The following BTAF1 variants were observed in gnomAD, a reference collection of about 807,000 sequenced individuals.
BTAF1 encodes B-TFIID TATA-box binding protein associated factor 1, also known as TATA-binding protein-associated factor 172.
A neutral mutation model predicts 227.1 loss-of-function variants in BTAF1; 38 were observed. The observed-to-expected ratio is 0.17, with a 90% CI of 0.13 to 0.22. BTAF1 has a LOEUF of 0.22. Among genes scored for constraint, BTAF1 ranks in the 10% least tolerant of loss-of-function variants. The pLI, the probability that BTAF1 is intolerant of heterozygous loss-of-function variation, is 1.00. For synonymous variants in BTAF1, 742 were observed against 751.9 expected, an observed-to-expected ratio of 0.99 and a Z score of 0.21; for missense variants, 1,598 against 2,204.0, an observed-to-expected ratio of 0.73 and a Z score of 5.51.
intron 6 of BTAF1, 136 bp downstream of exon 6, chr10:91,954,009 C>T (rs1845930326): frequency 4.9e-6 from 6 of 1,228,828 alleles, no homozygotes; most frequent in Non-Finnish European, 6.8e-6. Context: ...ACTCAATTGT[C>T]AGAGAGTATT....
At chr10:91,925,442 A>G (rs112321882) in intron 1 of BTAF1, among the ~76,000 whole-genome samples, 1 of 151,856 alleles carries the variant, frequency 6.6e-6, no homozygotes, top group African/African-American at 2.4e-5. Context: ...GCATTTTCAC[A>G]GGATTGGATG....
chr10:91,944,053 A>C (rs942162868), intron 4 of BTAF1, among the ~76,000 whole-genome samples: 9 of 152,074 alleles, frequency 5.9e-5, no homozygotes, highest in African/African-American at 1.7e-4. Context: ...CTGGAGGCTG[A>C]GACAGGAGAA....
intron 6 of BTAF1, among the ~76,000 whole-genome samples, chr10:91,956,320 A>AT (rs1162093718): frequency 9.9e-5 from 15 of 152,242 alleles, no homozygotes; most frequent in African/African-American, 3.6e-4. Context: ...TAGTTAGAAT[A>AT]TATTTTGCTC....
At position 91,981,660 on chromosome 10, in the gene BTAF1, G is replaced by C; in HGVS notation, c.1773G>C (p.Leu591Phe). 4 of 1,610,384 alleles carry C rather than the reference G, an allele frequency of 2.5e-6. No homozygotes were observed. Among genetic ancestry groups the C allele is most frequent in the Non-Finnish European group, 3.4e-6 (4 of 1,178,880 alleles). Reference protein sequence around the residue: ...DLIHKVWMELLSKASVQYVVA... With the variant: ...DLIHKVWMELFSKASVQYVVA... ...CCCTGCAGGTTTGGATGGAACTGTT[G>C]AGTAAGGCTTCAGTTCAGTATGTGG... Residue 591 changes from leucine (L) to phenylalanine (F), a missense_variant, in exon 16 of 38, where the codon TTG becomes TTC. Leu to Phe is a conservative substitution (Grantham distance 22, BLOSUM62 0). Transcript: ENST00000265990.
intron 11 of BTAF1, among the ~76,000 whole-genome samples, chr10:91,961,332 A>T (rs970233089): frequency 3.3e-5 from 5 of 152,190 alleles, no homozygotes; most frequent in Admixed American, 6.5e-5. Context: ...CATTATGGCT[A>T]CTTAATGCTT....
At chr10:91,980,922 T>C (rs1159251911) in intron 15 of BTAF1, among the ~76,000 whole-genome samples, 1 of 152,182 alleles carries the variant, frequency 6.6e-6, no homozygotes. Context: ...ATATAGAGTC[T>C]AATTATTGTT....
intron 25 of BTAF1, among the ~76,000 whole-genome samples, chr10:92,002,936 G>T (rs1849645299): frequency 6.6e-6 from 1 of 152,004 alleles, no homozygotes; most frequent in African/African-American, 2.4e-5. Flanking sequence ...GAGGTGGGTG[G>T]ATCACGAGGT....
chr10:91,985,025 A>G (rs1848311441), intron 19 of BTAF1, among the ~76,000 whole-genome samples: 1 of 152,034 alleles, frequency 6.6e-6, no homozygotes, highest in African/African-American at 2.4e-5. Context: ...TTTATGTGCT[A>G]AAGCACACAA....
intron 33 of BTAF1, 68 bp from the exon 34 acceptor site, chr10:92,018,715 G>A (rs1003325801): frequency 7.7e-7 from 1 of 1,301,920 alleles, no homozygotes; most frequent in African/African-American, 1.5e-5. Flanking sequence ...CATAGGGAAA[G>A]ATACAGAGAT....
intron 19 of BTAF1, among the ~76,000 whole-genome samples, chr10:91,985,181 C>G (rs944040949): frequency 6.6e-6 from 1 of 152,004 alleles, no homozygotes; most frequent in African/African-American, 2.4e-5. Flanking sequence ...TCTAATTCCC[C>G]CCCGAAGATA....
intron 1 of BTAF1, among the ~76,000 whole-genome samples, chr10:91,929,735 T>A (rs1032148477): frequency 7.2e-5 from 11 of 152,282 alleles, no homozygotes; most frequent in South Asian, 4.1e-4. Flanking sequence ...AATTTTTTTT[T>A]AATAGAGATG....
At chr10:91,976,342 A>G (rs1463478751) in intron 14 of BTAF1, among the ~76,000 whole-genome samples, 2 of 152,128 alleles carry the variant, frequency 1.3e-5, no homozygotes, top group Admixed American at 6.5e-5. Flanking sequence ...TGGAGACTCT[A>G]TTATGTAGTC....
chr10:92,025,114 T>C lies in BTAF1; in HGVS notation c.5075+147T>C, dbSNP rs539673776. On this transcript the variant is annotated intron_variant, in intron 35 of 37. Coordinates refer to ENST00000265990, the MANE Select transcript of BTAF1 (RefSeq NM_003972.3). ...CACCCCAAATAAACCCCTTTTTAAC[T>C]ATAGAACTACATAAATATAATCGAA... 47 of 662,880 alleles carry C rather than the reference T, an allele frequency of 7.1e-5. No individual in the cohort carries two copies. In the South Asian group the frequency reaches 9.4e-4, roughly 13 times the overall value. 41.1% of individuals were successfully genotyped at this position (662,880 alleles called of 1,614,324 possible). A position where few individuals can be genotyped will look rare whatever the true frequency, so the allele number is the denominator to read the frequency against.
chr10:91,926,524 T>C (rs1281471854), intron 1 of BTAF1, among the ~76,000 whole-genome samples: 2 of 152,202 alleles, frequency 1.3e-5, no homozygotes, highest in African/African-American at 4.8e-5. Context: ...CATTTTTCTT[T>C]CTATACCAGT....
Position 92,024,769 on chromosome 10 carries a change from G to A in BTAF1, c.4877G>A (p.Cys1626Tyr). The stretch of plus-strand genomic sequence containing the variant: ...TTTCTTCCTAAGTTGCTGTTGGACT[G>A]CGGTTTGGGAAATGGCAGCACTTCC... Reference protein sequence around the residue: ...LSALKQLLLDCGLGNGSTSES... With the variant: ...LSALKQLLLDYGLGNGSTSES... The change falls in exon 35 of 38, where the codon TGC (cysteine) becomes TAC (tyrosine). Residue 1626 changes from cysteine (C) to tyrosine (Y), a missense_variant. Physicochemically the swap from Cys to Tyr is radical, Grantham distance 194 (BLOSUM62 -2). This residue lies in a region of BTAF1 where 205 missense variants were observed against 244.5 expected (regional missense o/e 0.84). Transcript: ENST00000265990. The A allele has an allele frequency of 1.3e-6, 2 of 1,591,054 alleles. No individual in the cohort carries two copies. Among genetic ancestry groups the A allele is most frequent in the Non-Finnish European group, 1.7e-6 (2 of 1,167,198 alleles).
chr10:91,973,825 A>G (rs1589848697), intron 14 of BTAF1, among the ~76,000 whole-genome samples: 1 of 140,458 alleles, frequency 7.1e-6, no homozygotes, highest in East Asian at 2.3e-4. Context: ...AATGGCGTGA[A>G]CCCGGGAGGC....
chr10:91,991,279 T>TATATATATATAA (rs1554860277), intron 20 of BTAF1, among the ~76,000 whole-genome samples: 1 of 98,426 alleles, frequency 1.0e-5, no homozygotes, highest in Non-Finnish European at 2.3e-5. Context: ...TAAATATATA[T>TATATATATATAA]ATATATATAT....
chr10:92,008,154 C>A lies in BTAF1; in HGVS notation c.3692C>A (p.Ala1231Glu). Residue 1231 changes from alanine to glutamate, a missense_variant, in exon 26 of 38, where the codon GCA (alanine) becomes GAA (glutamate). By Grantham distance (107) the Ala-to-Glu change is moderately radical. Coordinates refer to ENST00000265990, the MANE Select transcript of BTAF1 (RefSeq NM_003972.3). ...AGIPDPPNMS[A>E]ELIQLKAKER... is the part of the protein sequence containing the mutation. ...ATTCCAGACCCTCCAAACATGTCAGCAGAATTAATCCAATTGAAAGCCAAG... is the reference window on the plus strand; with the variant it reads ...ATTCCAGACCCTCCAAACATGTCAGAAGAATTAATCCAATTGAAAGCCAAG... 6.3e-6 allele frequency: 10 copies of A among 1,592,746 alleles called. No homozygotes were observed. The highest frequency in any genetic ancestry group is 8.5e-6 in the Non-Finnish European group (10 of 1,175,300).
chr10:92,007,522 T>C (rs1368033266), intron 25 of BTAF1, among the ~76,000 whole-genome samples: 1 of 152,182 alleles, frequency 6.6e-6, no homozygotes, highest in Admixed American at 6.5e-5. Context: ...CATGCCTCGC[T>C]TATCAAGGAC....
Sources: gnomAD v4.1 joint callset for allele counts (sites outside exome capture counted in the v4.1 genomes callset) on GRCh38, gnomAD v4.1.1 for gene constraint, gnomAD v4.1.1 regional missense constraint, MANE v1.5 for transcripts, NCBI Gene and HGNC (gene_info 2026-07-23, HGNC 2026-07-21) for gene names.